TENM1: variants seen among roughly 807,000 people sequenced by gnomAD.
TENM1 encodes teneurin-1.
Under a neutral mutation model 174.8 loss-of-function variants are expected in TENM1, and 35 were observed. That is an observed-to-expected ratio of 0.20 (90% CI 0.15 to 0.27). The LOEUF (loss-of-function observed/expected upper bound fraction) is 0.27, where lower values mean the gene tolerates loss of function less well. Ranked by LOEUF, TENM1 falls within the 10% of genes least tolerant of loss-of-function variation. The probability of loss-of-function intolerance (pLI) is 1.00; values close to 1 mark genes in which losing one functional copy is unlikely to be tolerated. For synonymous variants in TENM1, 781 were observed against 798.7 expected (o/e 0.98, Z 0.37); for missense variants, 1,633 against 2,130.1 (o/e 0.77, Z 4.59).
intron 15 of TENM1, among the ~76,000 whole-genome samples, chrX:124,533,011 G>T (rs941298635): frequency 8.9e-6 from 1 of 111,980 alleles, no homozygotes; most frequent in Non-Finnish European, 1.9e-5. Flanking sequence ...CAGTAATCTT[G>T]ACTGACACTG....
chrX:125,025,820 G>A, the TENM1 span, among the ~76,000 whole-genome samples: 11,893 of 110,580 alleles, frequency 0.11, 1,294 homozygotes, highest in African/African-American at 0.33. Flanking sequence ...CTAAATACCT[G>A]ATAAGTTAAC....
At position 124,528,081 on chromosome X, in the gene TENM1, G is replaced by A. The variant is rs1026944479; in HGVS notation, c.2771+1783C>T. ...CACTGTCACTTTATGTCCAGGAAAT[G>A]ACAGTGGAACAGTCTGGTTGGCATT... On this transcript the variant is annotated intron_variant, in intron 16 of 31. Coordinates refer to ENST00000422452, the Ensembl canonical transcript of TENM1. 6.4e-5 allele frequency among the ~76,000 whole-genome samples: 7 copies of A among 109,769 alleles called. No individual in the cohort carries two copies. In the East Asian group the frequency reaches 2.0e-3, roughly 31 times the overall value.
intron 18 of TENM1, among the ~76,000 whole-genome samples, chrX:124,518,820 T>C (rs1016762645): frequency 8.9e-6 from 1 of 111,880 alleles, no homozygotes; most frequent in Non-Finnish European, 1.9e-5. Context: ...GTTGTTCTCA[T>C]AACCACTACA....
In TENM1 at chrX:124,772,859, A is replaced by T. The variant is rs149692949; in HGVS notation, c.536-35662T>A. Among the ~76,000 whole-genome samples the T allele has an allele frequency of 8.0e-4, 90 of 111,838 alleles. No homozygotes were observed. The East Asian group carries it at 0.024, about 29-fold the overall frequency. On this transcript the variant is annotated intron_variant, in intron 3 of 31. Transcript: ENST00000422452. ...ATGGGACCTTATATCTGTGGTAATA[A>T]TCTAGCAGCCAACTTCTTTTCATCC...
intron 1 of TENM1, among the ~76,000 whole-genome samples, chrX:124,930,931 T>C (rs2058160583): frequency 9.0e-6 from 1 of 111,453 alleles, no homozygotes; most frequent in Non-Finnish European, 1.9e-5. Flanking sequence ...TATTAAACAA[T>C]GAGGGGGCAT....
At chrX:125,095,906 T>C in the TENM1 span, among the ~76,000 whole-genome samples, 7 of 111,528 alleles carry the variant, frequency 6.3e-5, no homozygotes, top group Non-Finnish European at 1.3e-4. Context: ...GGAAACATGA[T>C]TTGGCTCTTG....
chrX:124,383,390 A>T (rs985536363), intron 30 of TENM1, among the ~76,000 whole-genome samples: 1 of 112,355 alleles, frequency 8.9e-6, no homozygotes, highest in Admixed American at 9.5e-5. Flanking sequence ...GAAATTATTC[A>T]TATAAGCTTG....
intron 11 of TENM1, among the ~76,000 whole-genome samples, chrX:124,605,194 C>G (rs1400275590): frequency 1.0e-5 from 1 of 99,865 alleles, no homozygotes. Flanking sequence ...CTAGAAAGTT[C>G]AATACTGCTT....
At chrX:125,098,568 C>T in the TENM1 span, among the ~76,000 whole-genome samples, 11 of 112,017 alleles carry the variant, frequency 9.8e-5, no homozygotes, top group South Asian at 4.1e-3. Flanking sequence ...TAGGAACTGT[C>T]AAGCATAAAG....
chrX:125,012,161 A>G, the TENM1 span, among the ~76,000 whole-genome samples: 1 of 111,488 alleles, frequency 9.0e-6, no homozygotes, highest in African/African-American at 3.3e-5. Context: ...AGCTAGAGGA[A>G]CAGCACACAC....
chrX:124,710,695 C>T (rs1040069848), intron 4 of TENM1, among the ~76,000 whole-genome samples: 9 of 112,030 alleles, frequency 8.0e-5, no homozygotes, highest in South Asian at 3.7e-4. Context: ...ATCCAAATCA[C>T]GGTTCTCAAT....
intron 3 of TENM1, among the ~76,000 whole-genome samples, chrX:124,836,181 G>A (rs1246533368): frequency 1.8e-5 from 2 of 111,580 alleles, no homozygotes; most frequent in Non-Finnish European, 3.8e-5. Flanking sequence ...GTACATATAT[G>A]CATGGATGAG....
At chrX:124,774,858 T>C (rs1317936539) in intron 3 of TENM1, among the ~76,000 whole-genome samples, 1 of 110,851 alleles carries the variant, frequency 9.0e-6, no homozygotes, top group Non-Finnish European at 1.9e-5. Context: ...TCCTACTTAA[T>C]ATTCCCTCTT....
intron 1 of TENM1, 147 bp downstream of exon 4, chrX:124,963,388 CAT>C (rs2058683828): frequency 2.0e-6 from 1 of 497,068 alleles, no homozygotes. Flanking sequence ...GCTGGGCTGA[CAT>C]ATGCAATAGA....
At chrX:124,709,815 T>G (rs2053001873) in intron 4 of TENM1, among the ~76,000 whole-genome samples, 2 of 110,901 alleles carry the variant, frequency 1.8e-5, no homozygotes, top group African/African-American at 6.6e-5. Flanking sequence ...TATTCTTCTG[T>G]ATGTCAAATG....
At chrX:124,979,272 C>T in the TENM1 span, among the ~76,000 whole-genome samples, 1 of 110,876 alleles carries the variant, frequency 9.0e-6, no homozygotes, top group South Asian at 3.7e-4. Flanking sequence ...TGGTTGATTT[C>T]CGGGTACTTA....
At chrX:124,674,075 T>G (rs1232222041) in intron 5 of TENM1, among the ~76,000 whole-genome samples, 1 of 109,657 alleles carries the variant, frequency 9.1e-6, no homozygotes, top group Non-Finnish European at 1.9e-5. Flanking sequence ...GCCCTCCAGA[T>G]AGTGAATGCT....
At chrX:124,455,020 C>CT (rs2061089325) in intron 22 of TENM1, among the ~76,000 whole-genome samples, 1 of 112,240 alleles carries the variant, frequency 8.9e-6, no homozygotes, top group South Asian at 3.7e-4. Context: ...ATTTTATAAA[C>CT]TCAACTTAAT....
chrX:124,926,863 T>C, intron 1 of TENM1, among the ~76,000 whole-genome samples: 1 of 112,222 alleles, frequency 8.9e-6, no homozygotes. Flanking sequence ...ACTCATCTCT[T>C]GGGATTATAG....
Sources: gnomAD v4.1 joint callset for allele counts (sites outside exome capture counted in the v4.1 genomes callset) on GRCh38, gnomAD v4.1.1 for gene constraint, MANE v1.5 for transcripts, NCBI Gene and HGNC (gene_info 2026-07-23, HGNC 2026-07-21) for gene names.